The following FBLN2 variants were observed in gnomAD, a reference collection of about 807,000 sequenced individuals.
FBLN2 encodes fibulin-2.
Under a neutral mutation model 123.7 loss-of-function variants are expected in FBLN2, and 81 were observed. The observed-to-expected ratio is 0.65, with a 90% CI of 0.55 to 0.79. The LOEUF is 0.79. Among genes scored for constraint, FBLN2 ranks in the 30% least tolerant of loss-of-function variants. The pLI, the probability that FBLN2 is intolerant of heterozygous loss-of-function variation, is 0.00. For synonymous variants in FBLN2, 699 were observed against 701.4 expected, an observed-to-expected ratio of 1.00 and a Z score of 0.05; for missense variants, 1,603 against 1,681.3, an observed-to-expected ratio of 0.95 and a Z score of 0.81.
Position 13,631,373 on chromosome 3 carries a change from C to A in FBLN2, c.3130C>A (p.Arg1044Ser), listed in dbSNP as rs760825665. The part of the protein sequence containing the change: ...AQGAGILCTF[R>S]CLNVPGSYQC... ...AGGCGCCGGCATCCTCTGCACCTTCCGCTGTCTCAACGTGCCAGGGAGCTA... is the reference window on the plus strand; with the variant it reads ...AGGCGCCGGCATCCTCTGCACCTTCAGCTGTCTCAACGTGCCAGGGAGCTA... The change falls in exon 16 of 18, where the codon CGC (arginine) becomes AGC (serine). Residue 1044 changes from arginine to serine, a missense_variant. Arg to Ser is a moderately radical substitution (Grantham distance 110). Coordinates refer to ENST00000404922, the MANE Select transcript of FBLN2 (RefSeq NM_001004019.2). 2 of 1,602,854 alleles carry A rather than the reference C, an allele frequency of 1.2e-6. No individual in the cohort carries two copies. Among genetic ancestry groups the A allele is most frequent in the East Asian group, 4.5e-5 (2 of 44,386 alleles).
intron 5 of FBLN2, among the ~76,000 whole-genome samples, chr3:13,617,178 C>CCA (rs1303760378): frequency 1.2e-4 from 18 of 151,730 alleles, no homozygotes; most frequent in Admixed American, 5.9e-4. Context: ...ATCCATCCAT[C>CCA]TATCCATCCA....
At chr3:13,626,285 G>C (rs960498965) in intron 9 of FBLN2, among the ~76,000 whole-genome samples, 160 bp from the exon 10 acceptor site, 17 of 152,222 alleles carry the variant, frequency 1.1e-4, no homozygotes, top group Non-Finnish European at 2.1e-4. Flanking sequence ...TGAATGAAGG[G>C]ATGTTTGGGT....
intron 2 of FBLN2, among the ~76,000 whole-genome samples, chr3:13,572,725 G>A (rs1425536968): frequency 6.6e-6 from 1 of 152,258 alleles, no homozygotes; most frequent in African/African-American, 2.4e-5. Context: ...GCTGTGGCGA[G>A]AAGGGGAATG....
chr3:13,590,352 G>T (rs1415493151), intron 2 of FBLN2, among the ~76,000 whole-genome samples: 1 of 151,496 alleles, frequency 6.6e-6, no homozygotes, highest in Admixed American at 6.6e-5. Context: ...TCGAGACAGA[G>T]TCTCACTCTG....
chr3:13,559,741 C>T (rs1205394544), intron 1 of FBLN2, among the ~76,000 whole-genome samples: 1 of 152,206 alleles, frequency 6.6e-6, no homozygotes, highest in Non-Finnish European at 1.5e-5. Flanking sequence ...TTATCCATAG[C>T]TTTTTGCACA....
intron 9 of FBLN2, among the ~76,000 whole-genome samples, chr3:13,625,199 G>T (rs555107268): frequency 6.9e-6 from 1 of 144,138 alleles, no homozygotes; most frequent in South Asian, 2.2e-4. Flanking sequence ...TCTGTGGCCC[G>T]GGGGTGGTTT....
chr3:13,577,565 G>A (rs1704191418), intron 2 of FBLN2, among the ~76,000 whole-genome samples: 1 of 152,230 alleles, frequency 6.6e-6, no homozygotes, highest in African/African-American at 2.4e-5. Context: ...CAACTTATGT[G>A]TTAACAGGAT....
At chr3:13,615,892 G>A (rs1234562103) in intron 5 of FBLN2, among the ~76,000 whole-genome samples, 1 of 152,212 alleles carries the variant, frequency 6.6e-6, no homozygotes, top group Non-Finnish European at 1.5e-5. Flanking sequence ...GATTGACCCA[G>A]ATCTCTGTCA....
At chr3:13,629,484 C>G (rs1462640624) in intron 13 of FBLN2, among the ~76,000 whole-genome samples, 192 bp downstream of exon 13, 1 of 152,122 alleles carries the variant, frequency 6.6e-6, no homozygotes, top group Non-Finnish European at 1.5e-5. Flanking sequence ...CCCCCGCCCC[C>G]ACCTTCTCAG....
At position 13,581,372 on chromosome 3, in the gene FBLN2, T is replaced by C. The variant is rs372328763; in HGVS notation, c.1306+9711T>C. On this transcript the variant is annotated intron_variant, in intron 2 of 17. Transcript: ENST00000404922. ...AGTCCTTTCCTGGACGGAGGTGTTA[T>C]TTTGGAATCCTGCTGGCCTGGAGGT... 4.0e-4 allele frequency among the ~76,000 whole-genome samples: 61 copies of C among 152,200 alleles called. No individual in the cohort carries two copies. In the East Asian group the frequency reaches 0.011, roughly 28 times the overall value.
intron 2 of FBLN2, among the ~76,000 whole-genome samples, chr3:13,602,187 G>A (rs1203512212): frequency 6.6e-6 from 1 of 152,084 alleles, no homozygotes; most frequent in Non-Finnish European, 1.5e-5. Context: ...GTGTGATGTG[G>A]GTCCCAGCAT....
chr3:13,563,588 C>A (rs1251431898), intron 1 of FBLN2, among the ~76,000 whole-genome samples: 38 of 152,334 alleles, frequency 2.5e-4, no homozygotes, highest in Non-Finnish European at 2.1e-4. Flanking sequence ...CCCCGACAGA[C>A]CATGCCCTCA....
intron 2 of FBLN2, among the ~76,000 whole-genome samples, chr3:13,603,517 C>G (rs911260830): frequency 1.3e-5 from 2 of 151,484 alleles, no homozygotes; most frequent in Non-Finnish European, 2.9e-5. Context: ...ATAATTTGCT[C>G]AGAATGATGG....
At chr3:13,597,081 A>T (rs1033892503) in intron 2 of FBLN2, among the ~76,000 whole-genome samples, 1 of 151,976 alleles carries the variant, frequency 6.6e-6, no homozygotes. Flanking sequence ...ATAGGCACAC[A>T]CCATCATGCC....
chr3:13,616,923 T>A (rs1358336173), intron 5 of FBLN2, among the ~76,000 whole-genome samples: 1 of 152,186 alleles, frequency 6.6e-6, no homozygotes, highest in African/African-American at 2.4e-5. Flanking sequence ...TCTGATCCAA[T>A]AGAGCCCAGA....
At chr3:13,607,090 C>G (rs1229941560) in intron 2 of FBLN2, among the ~76,000 whole-genome samples, 1 of 151,050 alleles carries the variant, frequency 6.6e-6, no homozygotes, top group Non-Finnish European at 1.5e-5. Context: ...CAGGTTCGAG[C>G]AATTCTCCTG....
chr3:13,637,987 T>C lies in FBLN2; in HGVS notation c.*68T>C, dbSNP rs1706539933. On this transcript the variant is annotated 3_prime_UTR_variant, in exon 18 of 18. Coordinates refer to ENST00000404922, the MANE Select transcript of FBLN2 (RefSeq NM_001004019.2). ...CTCACACTGCGTGGGAGGGACTGGG[T>C]CACTATTGTGGTTTTTACTATAACT... 2 of 1,377,692 alleles carry C rather than the reference T, an allele frequency of 1.5e-6. No homozygotes were observed. Among genetic ancestry groups the C allele is most frequent in the South Asian group, 2.7e-5 (2 of 73,380 alleles). The allele number at this position is 1,377,692 out of a possible 1,614,324, so 85.3% of individuals were successfully genotyped here.
At chr3:13,572,438 G>C (rs750218537) in intron 2 of FBLN2, among the ~76,000 whole-genome samples, 1 of 152,260 alleles carries the variant, frequency 6.6e-6, no homozygotes, top group African/African-American at 2.4e-5. Context: ...TGGAGGCTCA[G>C]GTCACACAAC....
At chr3:13,614,605 TCCAC>T (rs1173398319) in intron 5 of FBLN2, among the ~76,000 whole-genome samples, 1 of 108,676 alleles carries the variant, frequency 9.2e-6, no homozygotes, top group African/African-American at 4.7e-5. Flanking sequence ...CATCCATCCA[TCCAC>T]CCATCCACCC....
Sources: allele counts gnomAD v4.1 joint callset (sites outside exome capture counted in the v4.1 genomes callset), GRCh38; gene constraint gnomAD v4.1.1; transcripts MANE v1.5; gene names NCBI Gene and HGNC (gene_info 2026-07-23, HGNC 2026-07-21).